The following RPL6 variants were observed in gnomAD, a reference collection of about 807,000 sequenced individuals.
RPL6 encodes the protein large ribosomal subunit protein eL6.
Under a neutral mutation model 32.1 loss-of-function variants are expected in RPL6, and 1 was observed. The ratio of observed to expected loss-of-function variants is 0.03; its 90% CI spans 0.01 to 0.15. The LOEUF (loss-of-function observed/expected upper bound fraction) is 0.15, where lower values mean the gene tolerates loss of function less well. Ranked by LOEUF, RPL6 falls within the 10% of genes least tolerant of loss-of-function variation. RPL6 has a pLI of 1.00. For synonymous variants in RPL6, 126 were observed against 131.6 expected, an observed-to-expected ratio of 0.96 and a Z score of 0.29; for missense variants, 275 against 354.6, an observed-to-expected ratio of 0.78 and a Z score of 1.80.
At chr12:112,415,074 C>T (rs1191596740), upstream of RPL6, among the ~76,000 whole-genome samples, 2 of 152,162 alleles carry the variant, frequency 1.3e-5, no homozygotes, top group Non-Finnish European at 2.9e-5. Context: ...GAAGTGGCTC[C>T]TAGCCTGAGA....
chr12:112,409,408 C>G, intron 1 of RPL6, 179 bp downstream of exon 1: 1 of 398,618 alleles, frequency 2.5e-6, no homozygotes, highest in East Asian at 3.6e-5. Context: ...CATTCTACCT[C>G]ACCCTCTTTG....
In RPL6 at chr12:112,408,402, G is replaced by C. The variant is rs779428137; in HGVS notation, c.237+18C>G. ...AATTAAGGTTAAGACATAATGGTCC[G>C]TGGTCCTCTTCCCTTACCTTGGATT... On this transcript the variant is annotated intron_variant, in intron 2 of 6. Transcript: ENST00000202773. 6.2e-7 allele frequency: 1 copy of C among 1,613,446 alleles called. No individual in the cohort carries two copies. Among genetic ancestry groups the C allele is most frequent in the African/African-American group, 1.3e-5 (1 of 75,022 alleles).
At chr12:112,417,347 C>A (rs2037425909) in intron 1 of RPL6, among the ~76,000 whole-genome samples, 1 of 151,820 alleles carries the variant, frequency 6.6e-6, no homozygotes, top group Admixed American at 6.6e-5. Flanking sequence ...CGTGAGCCAC[C>A]ACGCTCAGCT....
At chr12:112,405,828 C>G in intron 6 of RPL6, 25 bp downstream of exon 6, 1 of 1,593,622 alleles carries the variant, frequency 6.3e-7, no homozygotes, top group South Asian at 1.1e-5. Context: ...AGTGCTAACA[C>G]AGGAGATGAC....
upstream of RPL6, among the ~76,000 whole-genome samples, chr12:112,413,583 T>A (rs2037364722): frequency 6.6e-6 from 1 of 151,928 alleles, no homozygotes; most frequent in Non-Finnish European, 1.5e-5. Flanking sequence ...AGATTGAGGT[T>A]TTTTTGTTTT....
chr12:112,407,801 T>A (rs779030951), intron 3 of RPL6: 1 of 170,234 alleles, frequency 5.9e-6, no homozygotes, highest in Non-Finnish European at 1.3e-5. Flanking sequence ...TGGAGTGCAG[T>A]AGTGCAATCT....
Position 112,406,864 on chromosome 12 carries a change from C to A in RPL6, c.363G>T (p.Val121=), listed in dbSNP as rs376501383. 5 of 1,614,206 alleles carry A rather than the reference C, an allele frequency of 3.1e-6. No homozygotes were observed. In the Admixed American group the frequency reaches 8.3e-5, roughly 27 times the overall value. ...TGCCGTGGCTCAACAGCTTTCGAGG[C>A]ACATCTTCAGTAGGATAATATCTAG... ...KMPRYYPTED[V]PRKLLSHGKK... is the part of the protein sequence containing the mutation. The change falls in exon 4 of 7, where the codon GTG becomes GTT. Residue 121 remains valine, a synonymous_variant. Transcript: ENST00000202773.
rs1462407798 is a variant in RPL6 at position 112,408,674 on chromosome 12, T to C, written c.1-18A>G. 1 of 1,554,814 alleles carries C rather than the reference T, an allele frequency of 6.4e-7. No homozygotes were observed. Among genetic ancestry groups the C allele is most frequent in the Non-Finnish European group, 8.6e-7 (1 of 1,162,718 alleles). ...CCCGCCATCTAAAAATATTTTTTTG[T>C]AGATAAAAAAAGGCATTTCACCAGT... On this transcript the variant is annotated intron_variant, in intron 1 of 6. Transcript: ENST00000202773.
chr12:112,408,976 A>G (rs1431113932), intron 1 of RPL6: 4 of 325,990 alleles, frequency 1.2e-5, no homozygotes, highest in African/African-American at 8.6e-5. Flanking sequence ...TGCGAATTAG[A>G]AAACTTAGAT....
upstream of RPL6, among the ~76,000 whole-genome samples, chr12:112,409,809 G>C (rs1293458727): frequency 6.7e-6 from 1 of 148,360 alleles, no homozygotes; most frequent in Non-Finnish European, 1.5e-5. Context: ...TTGGCAGTTC[G>C]AGACCAGCCT....
chr12:112,408,382 A>C, intron 2 of RPL6, 38 bp downstream of exon 2: 1 of 1,613,542 alleles, frequency 6.2e-7, no homozygotes. Context: ...ATGCCAATTA[A>C]GGTTAAGACA....
chr12:112,414,747 T>C (rs955990192), upstream of RPL6, among the ~76,000 whole-genome samples: 2 of 151,700 alleles, frequency 1.3e-5, no homozygotes, highest in Non-Finnish European at 2.9e-5. Context: ...ACTAAAAAAA[T>C]ACAAAAAATT....
In RPL6 at chr12:112,409,584, T is replaced by C. The variant is rs562613175; in HGVS notation, c.-1+3A>G. On this transcript the variant is annotated splice_donor_region_variant and intron_variant, in intron 1 of 6. Coordinates refer to ENST00000202773, the MANE Select transcript of RPL6 (RefSeq NM_000970.6). ...GTCTTGCAGACAGGCCCGCGATTCT[T>C]ACCTTGCAAGATGGGAAAGAGAATT... is the stretch of plus-strand genomic sequence containing the variant. 2.4e-4 allele frequency: 94 copies of C among 398,540 alleles called. No individual in the cohort carries two copies. The highest frequency in any genetic ancestry group is 1.3e-3 in the African/African-American group (63 of 48,732). 24.7% of individuals were successfully genotyped at this position (398,540 alleles called of 1,614,324 possible).
At chr12:112,412,261 G>A (rs1339969831), upstream of RPL6, among the ~76,000 whole-genome samples, 3 of 151,956 alleles carry the variant, frequency 2.0e-5, no homozygotes, top group African/African-American at 4.8e-5. Flanking sequence ...GGATGGTCTC[G>A]ATCTCCTGAC....
At chr12:112,405,782 G>T in intron 6 of RPL6, 71 bp downstream of exon 6, 2 of 1,249,572 alleles carry the variant, frequency 1.6e-6, no homozygotes, top group Admixed American at 2.3e-5. Flanking sequence ...TTCTTTTTGT[G>T]CAACCTGTTT....
rs201582676 is a variant in RPL6 at position 112,408,513 on chromosome 12, A to G, written c.144T>C (p.Pro48=). 6.2e-7 allele frequency: 1 copy of G among 1,613,356 alleles called. No homozygotes were observed. Among genetic ancestry groups the G allele is most frequent in the Admixed American group, 1.7e-5 (1 of 60,016 alleles). Reference sequence around the variant, plus strand: ...ACCTGCCAATTCCTCTGACAAGGACAGGGTTGCGGCTGCAATGGGGCTTCC... The same window carrying G: ...ACCTGCCAATTCCTCTGACAAGGACGGGGTTGCGGCTGCAATGGGGCTTCC... ...KKGKPHCSRN[P]VLVRGIGRYS... The change falls in exon 2 of 7, where the codon CCT becomes CCC. Residue 48 remains proline (P), a synonymous_variant. Coordinates refer to ENST00000202773, the MANE Select transcript of RPL6 (RefSeq NM_000970.6).
chr12:112,408,679 A>G (rs200703932), intron 1 of RPL6, 23 bp from the exon 2 acceptor site: 1 of 1,541,604 alleles, frequency 6.5e-7, no homozygotes, highest in Non-Finnish European at 8.7e-7. Context: ...TTTTGTAGAT[A>G]AAAAAAGGCA....
chr12:112,405,443 G>A, intron 6 of RPL6, 67 bp from the exon 7 acceptor site: 1 of 1,483,768 alleles, frequency 6.7e-7, no homozygotes, highest in Non-Finnish European at 9.3e-7. Context: ...GTCAACTAAG[G>A]AGTCCTGTCT....
At chr12:112,418,526 GA>G (rs746672221) in intron 1 of RPL6, 4 of 215,110 alleles carry the variant, frequency 1.9e-5, no homozygotes, top group African/African-American at 4.5e-5. Flanking sequence ...TTACGGGCGT[GA>G]ACCACCGCGC....
Sources: gnomAD v4.1 joint callset for allele counts (sites outside exome capture counted in the v4.1 genomes callset) on GRCh38, gnomAD v4.1.1 for gene constraint, MANE v1.5 for transcripts, NCBI Gene and HGNC (gene_info 2026-07-23, HGNC 2026-07-21) for gene names.